Variants in CA1 observed in about 807,000 individuals in gnomAD.
The protein encoded by CA1 is carbonic anhydrase 1, also known as carbonate dehydratase I.
CA1 carries 27 observed loss-of-function variants against 28.8 expected under a neutral mutation model. The ratio of observed to expected loss-of-function variants is 0.94; its 90% CI spans 0.69 to 1.29. The LOEUF is 1.29. CA1 is among the 50% of genes most tolerant of loss of function. The pLI, the probability that CA1 is intolerant of heterozygous loss-of-function variation, is 0.00. For synonymous variants in CA1, 121 were observed against 108.8 expected, an observed-to-expected ratio of 1.11 and a Z score of -0.70; for missense variants, 335 against 310.5, an observed-to-expected ratio of 1.08 and a Z score of -0.59.
Position 85,368,193 on chromosome 8 carries a change from G to C in CA1, c.-25+9853C>G, listed in dbSNP as rs7820842. Among the ~76,000 whole-genome samples, 3 of 151,688 alleles carry C rather than the reference G, an allele frequency of 2.0e-5. No individual in the cohort carries two copies. In the East Asian group the frequency reaches 5.8e-4, roughly 29 times the overall value. On this transcript the variant is annotated intron_variant, in intron 1 of 7. Transcript: ENST00000523022. ...TAATAATTATTATTATTTTGAGGCA[G>C]AGTCTCACTCTGTTGCCAGGCTGGA...
At chr8:85,371,431 T>TACTC (rs3070341) in intron 1 of CA1, among the ~76,000 whole-genome samples, 101,428 of 151,398 alleles carry the variant, frequency 0.67, 35,226 homozygotes, top group African/African-American at 0.86. Flanking sequence ...TATACACACA[T>TACTC]ACAATTTTGA....
intron 2 of CA1, 82 bp downstream of exon 2, chr8:85,341,517 T>C: frequency 1.1e-6 from 1 of 871,196 alleles, no homozygotes; most frequent in Non-Finnish European, 2.0e-6. Context: ...AGCTGTACAA[T>C]TATTTTAAAT....
chr8:85,329,422 A>C (rs1416286274), intron 7 of CA1, among the ~76,000 whole-genome samples: 1 of 152,164 alleles, frequency 6.6e-6, no homozygotes, highest in Non-Finnish European at 1.5e-5. Context: ...ATGCTTAAGA[A>C]GATATTTAAC....
intron 1 of CA1, among the ~76,000 whole-genome samples, chr8:85,346,041 A>C (rs553974321): frequency 7.9e-4 from 121 of 152,286 alleles, no homozygotes; most frequent in African/African-American, 2.6e-3. Flanking sequence ...ACAGTTGTTA[A>C]ATCTGCTAAT....
At chr8:85,346,122 C>T (rs1022608629) in intron 1 of CA1, among the ~76,000 whole-genome samples, 7 of 152,070 alleles carry the variant, frequency 4.6e-5, no homozygotes, top group Non-Finnish European at 8.8e-5. Context: ...TAAAGACATT[C>T]GCAGTGTCTT....
intron 6 of CA1, among the ~76,000 whole-genome samples, chr8:85,330,100 A>G (rs2130120139): frequency 6.6e-6 from 1 of 152,300 alleles, no homozygotes; most frequent in South Asian, 2.1e-4. Flanking sequence ...ATTTGGTTGC[A>G]GATAAGCAAA....
At chr8:85,350,992 T>A (rs1252442047) in intron 1 of CA1, among the ~76,000 whole-genome samples, 2 of 152,144 alleles carry the variant, frequency 1.3e-5, no homozygotes, top group African/African-American at 4.8e-5. Flanking sequence ...GCTCCAAGAG[T>A]CCTCATACAG....
intron 2 of CA1, 97 bp downstream of exon 2, chr8:85,341,502 C>T (rs1808930073): frequency 1.2e-6 from 1 of 805,370 alleles, no homozygotes; most frequent in Non-Finnish European, 2.2e-6. Flanking sequence ...CAACAATTAA[C>T]CTATAGCTGT....
At chr8:85,361,894 T>C (rs1809810604) in intron 1 of CA1, among the ~76,000 whole-genome samples, 1 of 152,140 alleles carries the variant, frequency 6.6e-6, no homozygotes, top group African/African-American at 2.4e-5. Flanking sequence ...GGGCAGGCAA[T>C]CCACATCTTT....
At chr8:85,368,916 T>G (rs1283197591) in intron 1 of CA1, among the ~76,000 whole-genome samples, 1 of 152,088 alleles carries the variant, frequency 6.6e-6, no homozygotes, top group East Asian at 1.9e-4. Context: ...GTACCAAGCC[T>G]CTGGATAGAG....
intron 1 of CA1, among the ~76,000 whole-genome samples, chr8:85,364,541 G>A (rs1325459707): frequency 6.6e-6 from 1 of 152,140 alleles, no homozygotes; most frequent in South Asian, 2.1e-4. Flanking sequence ...GACTTATTTT[G>A]TCGATTTATT....
intron 1 of CA1, among the ~76,000 whole-genome samples, chr8:85,362,972 G>A (rs368715045): frequency 6.6e-5 from 10 of 152,296 alleles, no homozygotes; most frequent in East Asian, 3.9e-4. Context: ...CTTACCTTCA[G>A]TTCCCTTGTG....
chr8:85,336,527 T>A (rs2130172037), intron 4 of CA1, among the ~76,000 whole-genome samples: 1 of 152,274 alleles, frequency 6.6e-6, no homozygotes, highest in African/African-American at 2.4e-5. Flanking sequence ...ATTCGAGCTC[T>A]TAGTAGAGTC....
At chr8:85,348,976 A>G (rs888042085) in intron 1 of CA1, among the ~76,000 whole-genome samples, 3 of 152,196 alleles carry the variant, frequency 2.0e-5, no homozygotes. Context: ...TTGATGATGT[A>G]CATTAGCTGA....
intron 1 of CA1, among the ~76,000 whole-genome samples, chr8:85,373,953 A>C (rs1810320604): frequency 6.6e-6 from 1 of 152,168 alleles, no homozygotes; most frequent in East Asian, 1.9e-4. Context: ...GTTATTGTTT[A>C]ATGAATATGG....
intron 2 of CA1, chr8:85,341,280 T>C: frequency 3.9e-6 from 1 of 254,334 alleles, no homozygotes; most frequent in Non-Finnish European, 7.5e-6. Flanking sequence ...AGTGTAAACA[T>C]AACTTGTAAA....
intron 1 of CA1, among the ~76,000 whole-genome samples, chr8:85,367,610 C>G (rs1258576846): frequency 6.6e-6 from 1 of 152,184 alleles, no homozygotes; most frequent in Non-Finnish European, 1.5e-5. Context: ...CCAGCCTCAC[C>G]TTCAGAGTTT....
At chr8:85,376,811 C>T (rs577462738) in intron 1 of CA1, among the ~76,000 whole-genome samples, 10 of 152,214 alleles carry the variant, frequency 6.6e-5, no homozygotes, top group East Asian at 3.9e-4. Context: ...ACTTTCGGGT[C>T]GTGTAGAGGC....
intron 1 of CA1, among the ~76,000 whole-genome samples, chr8:85,368,458 A>G (rs1810092494): frequency 6.6e-6 from 1 of 151,842 alleles, no homozygotes; most frequent in Non-Finnish European, 1.5e-5. Flanking sequence ...GTGAGCCACC[A>G]CACCTGGCCA....
Sources: gnomAD v4.1 joint callset for allele counts (sites outside exome capture counted in the v4.1 genomes callset) on GRCh38, gnomAD v4.1.1 for gene constraint, MANE v1.5 for transcripts, NCBI Gene and HGNC (gene_info 2026-07-23, HGNC 2026-07-21) for gene names.